The following SUMF1 variants were observed in gnomAD, a reference collection of about 807,000 sequenced individuals.
SUMF1 encodes the protein formylglycine-generating enzyme.
Under a neutral mutation model 47.6 loss-of-function variants are expected in SUMF1, and 48 were observed. That is an observed-to-expected ratio of 1.01 (90% CI 0.80 to 1.28). The LOEUF (loss-of-function observed/expected upper bound fraction) is 1.28. SUMF1 is among the 50% of genes most tolerant of loss of function. The probability of loss-of-function intolerance (pLI) is 0.00; values close to 1 mark genes in which losing one functional copy is unlikely to be tolerated. For missense variants in SUMF1, 571 were observed against 485.4 expected, an observed-to-expected ratio of 1.18 and a Z score of -1.66; for synonymous variants, 230 against 192.1, an observed-to-expected ratio of 1.20 and a Z score of -1.63.
chr3:4,241,148 C>G (rs1287881495), intron 8 of SUMF1, among the ~76,000 whole-genome samples: 1 of 152,052 alleles, frequency 6.6e-6, no homozygotes, highest in Non-Finnish European at 1.5e-5. Context: ...GGATAAATGA[C>G]AGAATTATAG....
intron 9 of SUMF1, among the ~76,000 whole-genome samples, chr3:4,051,438 G>A (rs761102751): frequency 2.0e-5 from 3 of 152,082 alleles, no homozygotes; most frequent in Non-Finnish European, 2.9e-5. Context: ...GTCCACACTC[G>A]CTCAAGTGTG....
chr3:4,451,733 G>A (rs1475368914), intron 2 of SUMF1, among the ~76,000 whole-genome samples: 1 of 152,140 alleles, frequency 6.6e-6, no homozygotes, highest in South Asian at 2.1e-4. Context: ...CTTCTTCCTG[G>A]AGGGCAGTGG....
chr3:4,265,208 G>T (rs1290673880), intron 8 of SUMF1, among the ~76,000 whole-genome samples: 2 of 149,936 alleles, frequency 1.3e-5, no homozygotes, highest in Admixed American at 1.3e-4. Flanking sequence ...GGAGCAGGAA[G>T]ATCCCTGGTT....
At chr3:4,124,145 A>C (rs138348168) in intron 8 of SUMF1, among the ~76,000 whole-genome samples, 48 of 152,294 alleles carry the variant, frequency 3.2e-4, no homozygotes, top group African/African-American at 1.0e-3. Flanking sequence ...AAAAATAAAA[A>C]TCTCATTTAT....
rs1051382110 is a variant in SUMF1, at chr3:4,105,208, G to C, written c.1015-36463C>G. 1.3e-5 allele frequency among the ~76,000 whole-genome samples: 2 copies of C among 152,232 alleles called. 1 individual carries two copies. Among genetic ancestry groups the C allele is most frequent in the South Asian group, 4.2e-4 (2 of 4,818 alleles). On this transcript the variant is annotated intron_variant and NMD_transcript_variant, in intron 8 of 12. Transcript: ENST00000448413. Reference sequence around the variant, plus strand: ...AACTCATAGAAGCAGAGCACAGAATGCTGGTTTCCAGGGTCTGGGAGGGTA... The same window carrying C: ...AACTCATAGAAGCAGAGCACAGAATCCTGGTTTCCAGGGTCTGGGAGGGTA...
intron 1 of SUMF1, among the ~76,000 whole-genome samples, chr3:4,460,668 T>A (rs193021252): frequency 1.6e-3 from 242 of 148,794 alleles, no homozygotes; most frequent in East Asian, 4.9e-3. Flanking sequence ...ATATATATAT[T>A]TTTTAAGAGA....
In SUMF1 at chr3:4,361,664, AT is replaced by A. The variant is rs1262179335; in HGVS notation, c.*479del. ...CACACATGGAAAAAATAGCTAAAAA[AT>A]AATCTATAATAAATTCTCACTATGA... is the stretch of plus-strand genomic sequence containing the variant. On this transcript the variant is annotated 3_prime_UTR_variant, in exon 9 of 9. Coordinates refer to ENST00000272902, the MANE Select transcript of SUMF1 (RefSeq NM_182760.4). 1.8e-5 allele frequency: 2 copies of A among 114,036 alleles called. No individual in the cohort carries two copies. Among genetic ancestry groups the A allele is most frequent in the African/African-American group, 8.9e-5 (2 of 22,450 alleles). 7.1% of individuals were successfully genotyped at this position (114,036 alleles called of 1,614,324 possible).
chr3:4,260,285 A>G (rs1476104814), intron 8 of SUMF1, among the ~76,000 whole-genome samples: 2 of 121,436 alleles, frequency 1.6e-5, no homozygotes, highest in African/African-American at 5.9e-5. Flanking sequence ...GACAACCAAC[A>G]GGTACTAGTA....
In SUMF1 at chr3:4,362,064, G is replaced by A; in HGVS notation, c.*80C>T. Reference sequence around the variant, plus strand: ...CTCAGGGTGGGAATTCTTTGCATGGGATCGTTCAAAGTTCTGAGAAAAGCC... The same window carrying A: ...CTCAGGGTGGGAATTCTTTGCATGGAATCGTTCAAAGTTCTGAGAAAAGCC... On this transcript the variant is annotated 3_prime_UTR_variant, in exon 9 of 9. Coordinates refer to ENST00000272902, the MANE Select transcript of SUMF1 (RefSeq NM_182760.4). The A allele has an allele frequency of 7.3e-7, 1 of 1,367,468 alleles. No individual in the cohort carries two copies. Among genetic ancestry groups the A allele is most frequent in the Non-Finnish European group, 1.0e-6 (1 of 962,938 alleles). 84.7% of individuals were successfully genotyped at this position (1,367,468 alleles called of 1,614,324 possible). A position where few individuals can be genotyped will look rare whatever the true frequency, so the allele number is the denominator to read the frequency against.
At chr3:4,372,049 T>C (rs1559253746) in intron 8 of SUMF1, among the ~76,000 whole-genome samples, 1 of 152,184 alleles carries the variant, frequency 6.6e-6, no homozygotes, top group African/African-American at 2.4e-5. Context: ...GGCTCATGTC[T>C]GTTATCTCAG....
At chr3:4,058,166 G>A (rs1484614513) in intron 9 of SUMF1, among the ~76,000 whole-genome samples, 1 of 152,104 alleles carries the variant, frequency 6.6e-6, no homozygotes, top group Non-Finnish European at 1.5e-5. Context: ...GATAGTAGAT[G>A]AGCAAATCAA....
intron 7 of SUMF1, among the ~76,000 whole-genome samples, chr3:4,383,182 C>T (rs561836419): frequency 1.2e-4 from 19 of 152,258 alleles, no homozygotes; most frequent in African/African-American, 4.6e-4. Context: ...AGCTCAAGAC[C>T]ATCCTGGCCA....
chr3:4,266,072 C>T (rs1202515197), intron 8 of SUMF1, among the ~76,000 whole-genome samples: 3 of 152,138 alleles, frequency 2.0e-5, no homozygotes, highest in Non-Finnish European at 4.4e-5. Context: ...GGGCTCTGTT[C>T]TGTTCCATTG....
chr3:4,396,237 C>T (rs868409812), intron 7 of SUMF1, among the ~76,000 whole-genome samples: 1 of 152,230 alleles, frequency 6.6e-6, no homozygotes, highest in African/African-American at 2.4e-5. Flanking sequence ...GGCCATTCTG[C>T]CATGTGCCCC....
chr3:4,105,222 T>C (rs1351482360), intron 8 of SUMF1, among the ~76,000 whole-genome samples: 3 of 152,026 alleles, frequency 2.0e-5, no homozygotes, highest in African/African-American at 7.3e-5. Context: ...GTTTCCAGGG[T>C]CTGGGAGGGT....
At chr3:4,390,757 A>AT (rs1329622530) in intron 7 of SUMF1, among the ~76,000 whole-genome samples, 13 of 151,850 alleles carry the variant, frequency 8.6e-5, no homozygotes, top group Admixed American at 8.5e-4. Context: ...TAATTTTTGT[A>AT]TTTTTTATAG....
chr3:4,099,050 C>G (rs1255734624), intron 8 of SUMF1, among the ~76,000 whole-genome samples: 2 of 152,056 alleles, frequency 1.3e-5, no homozygotes, highest in African/African-American at 2.4e-5. Flanking sequence ...CAAAATAAAG[C>G]CTATTCTCCA....
chr3:4,444,911 G>A (rs951238310), intron 3 of SUMF1, among the ~76,000 whole-genome samples: 10 of 152,192 alleles, frequency 6.6e-5, no homozygotes, highest in African/African-American at 2.2e-4. Context: ...AGGATGAGGG[G>A]TAGGGGAGGG....
At chr3:4,449,543 G>T (rs545617615) in intron 2 of SUMF1, among the ~76,000 whole-genome samples, 1 of 152,128 alleles carries the variant, frequency 6.6e-6, no homozygotes. Context: ...GACCATTTTC[G>T]TTTAAGACTC....
Sources: gnomAD v4.1 joint callset for allele counts (sites outside exome capture counted in the v4.1 genomes callset) on GRCh38, gnomAD v4.1.1 for gene constraint, MANE v1.5 for transcripts, NCBI Gene and HGNC (gene_info 2026-07-23, HGNC 2026-07-21) for gene names.